ACSBG1: variants seen among roughly 807,000 people sequenced by gnomAD.
The protein encoded by ACSBG1 is long-chain-fatty-acid--CoA ligase ACSBG1.
A neutral mutation model predicts 80.2 loss-of-function variants in ACSBG1; 39 were observed. That is an observed-to-expected ratio of 0.49 (90% CI 0.38 to 0.64). ACSBG1 has a LOEUF of 0.64. Among genes scored for constraint, ACSBG1 ranks in the 30% least tolerant of loss-of-function variants. The pLI is 0.00. For synonymous variants in ACSBG1, 392 were observed against 379.5 expected (o/e 1.03, Z -0.38); for missense variants, 828 against 966.4 (o/e 0.86, Z 1.90).
chr15:78,201,260 G>C (rs1313115909), intron 2 of ACSBG1, among the ~76,000 whole-genome samples: 3 of 152,190 alleles, frequency 2.0e-5, no homozygotes, highest in African/African-American at 7.2e-5. Flanking sequence ...GGAAGAATGA[G>C]CTGAACTCTG....
chr15:78,192,198 T>C (rs1445569735), intron 5 of ACSBG1, among the ~76,000 whole-genome samples: 1 of 151,924 alleles, frequency 6.6e-6, no homozygotes, highest in Non-Finnish European at 1.5e-5. Context: ...CCAGCAGCCT[T>C]GGCAAATGAA....
intron 1 of ACSBG1, among the ~76,000 whole-genome samples, chr15:78,211,918 G>A (rs111689360): frequency 4.0e-4 from 61 of 152,272 alleles, no homozygotes; most frequent in African/African-American, 1.4e-3. Context: ...AGCTGGGGCC[G>A]CTTCTGATTC....
intron 1 of ACSBG1, among the ~76,000 whole-genome samples, chr15:78,219,064 G>A (rs2075337816): frequency 6.6e-6 from 1 of 152,080 alleles, no homozygotes; most frequent in South Asian, 2.1e-4. Flanking sequence ...TGCCCACCTC[G>A]GCCTCCCAAA....
At chr15:78,229,776 C>G (rs543289401) in intron 1 of ACSBG1, among the ~76,000 whole-genome samples, 69 of 152,146 alleles carry the variant, frequency 4.5e-4, no homozygotes, top group Non-Finnish European at 8.8e-4. Flanking sequence ...TCACAAACCC[C>G]AAACCAGGCT....
At chr15:78,193,667 G>A (rs1476230826) in intron 4 of ACSBG1, 41 bp from the exon 5 acceptor site, 3 of 1,591,220 alleles carry the variant, frequency 1.9e-6, no homozygotes, top group South Asian at 2.3e-5. Context: ...GGGAGGTGCA[G>A]AGGGGCCACC....
chr15:78,169,209 G>T lies in ACSBG1; in HGVS notation c.*2235C>A. On this transcript the variant is annotated 3_prime_UTR_variant, in exon 14 of 14. Coordinates refer to ENST00000258873, the MANE Select transcript of ACSBG1 (RefSeq NM_015162.5). Reference sequence around the variant, plus strand: ...TTCAAAGAACTTTTTCCAAGTGCTTGTTTTATTTATTAAGTGTCTACCTGG... The same window carrying T: ...TTCAAAGAACTTTTTCCAAGTGCTTTTTTTATTTATTAAGTGTCTACCTGG... 2 of 381,176 alleles carry T rather than the reference G, an allele frequency of 5.2e-6. No homozygotes were observed. Among genetic ancestry groups the T allele is most frequent in the South Asian group, 1.7e-4 (2 of 11,640 alleles). The allele number at this position is 381,176 out of a possible 1,614,324, so 23.6% of individuals were successfully genotyped here.
chr15:78,195,150 C>T (rs1057304935), intron 2 of ACSBG1, among the ~76,000 whole-genome samples: 6 of 152,132 alleles, frequency 3.9e-5, no homozygotes, highest in Admixed American at 2.0e-4. Context: ...GGTCAAAGCA[C>T]CAAAGAGAAC....
intron 1 of ACSBG1, among the ~76,000 whole-genome samples, chr15:78,224,042 C>A (rs2075380594): frequency 6.6e-6 from 1 of 152,114 alleles, no homozygotes; most frequent in East Asian, 1.9e-4. Context: ...CCCACCGAAA[C>A]CAATTTTGAA....
intron 1 of ACSBG1, among the ~76,000 whole-genome samples, chr15:78,220,405 C>A (rs142042603): frequency 2.1e-3 from 312 of 152,170 alleles, no homozygotes; most frequent in African/African-American, 7.4e-3. Flanking sequence ...TCTTTGTGAC[C>A]TTGTGTTAGG....
intron 1 of ACSBG1, among the ~76,000 whole-genome samples, chr15:78,232,299 T>C (rs1186286229): frequency 6.6e-6 from 1 of 152,176 alleles, no homozygotes; most frequent in East Asian, 1.9e-4. Context: ...AAGAAAGTAG[T>C]AGAACTGACA....
At chr15:78,213,229 A>G (rs1021329675) in intron 1 of ACSBG1, among the ~76,000 whole-genome samples, 1 of 152,178 alleles carries the variant, frequency 6.6e-6, no homozygotes, top group Non-Finnish European at 1.5e-5. Context: ...TATAGTCTGC[A>G]ATGGCGATTC....
chr15:78,234,366 C>T lies in ACSBG1; in HGVS notation c.131+5G>A, dbSNP rs781166610. On this transcript the variant is annotated splice_donor_5th_base_variant and intron_variant, in intron 1 of 13. Transcript: ENST00000258873. ...CAGTGTGCAGAAACCCAACCAATGA[C>T]TTACCTGGTTTTCAATTTTTCTTGG... 8.7e-6 allele frequency: 14 copies of T among 1,609,480 alleles called. No homozygotes were observed. Among genetic ancestry groups the T allele is most frequent in the Non-Finnish European group, 1.2e-5 (14 of 1,179,966 alleles).
At chr15:78,219,060 C>T (rs1033102625) in intron 1 of ACSBG1, among the ~76,000 whole-genome samples, 1 of 152,120 alleles carries the variant, frequency 6.6e-6, no homozygotes, top group Admixed American at 6.5e-5. Context: ...GATCTGCCCA[C>T]CTCGGCCTCC....
chr15:78,196,883 T>G (rs2075119253), intron 2 of ACSBG1, among the ~76,000 whole-genome samples: 1 of 150,668 alleles, frequency 6.6e-6, no homozygotes, highest in Admixed American at 6.6e-5. Context: ...CTGGGCAACA[T>G]AGTGAGACCC....
intron 2 of ACSBG1, among the ~76,000 whole-genome samples, chr15:78,198,182 A>G (rs1394842155): frequency 6.6e-6 from 1 of 150,850 alleles, no homozygotes; most frequent in African/African-American, 2.4e-5. Flanking sequence ...GACTACAGGC[A>G]TGCACCACCA....
At chr15:78,181,463 C>A (rs1191599044) in intron 8 of ACSBG1, among the ~76,000 whole-genome samples, 1 of 149,598 alleles carries the variant, frequency 6.7e-6, no homozygotes, top group South Asian at 2.2e-4. Context: ...CACTCTGACT[C>A]GACCTTATGT....
At chr15:78,201,544 C>T (rs995119999) in intron 2 of ACSBG1, among the ~76,000 whole-genome samples, 1 of 152,222 alleles carries the variant, frequency 6.6e-6, no homozygotes, top group African/African-American at 2.4e-5. Context: ...GCTCAGTGGC[C>T]TCAGCCTTGG....
intron 1 of ACSBG1, among the ~76,000 whole-genome samples, chr15:78,230,790 A>T (rs2075439904): frequency 6.6e-6 from 1 of 152,228 alleles, no homozygotes; most frequent in African/African-American, 2.4e-5. Context: ...AGGCCACCTC[A>T]GCCACATGGA....
rs1364789162 is a variant in ACSBG1, at chr15:78,169,698, G to A, written c.*1746C>T. The A allele has an allele frequency of 6.6e-6, 1 of 152,102 alleles. No homozygotes were observed. The highest frequency in any genetic ancestry group is 2.1e-4 in the South Asian group (1 of 4,818). 9.4% of individuals were successfully genotyped at this position (152,102 alleles called of 1,614,324 possible). ...AATGTATTGTGTGTTCAATTATTTT[G>A]TTGTCTTGAGATTTAATATTCTTTC... is the stretch of plus-strand genomic sequence containing the variant. On this transcript the variant is annotated 3_prime_UTR_variant, in exon 14 of 14. Coordinates refer to ENST00000258873, the MANE Select transcript of ACSBG1 (RefSeq NM_015162.5).
Sources: gnomAD v4.1 joint callset for allele counts (sites outside exome capture counted in the v4.1 genomes callset) on GRCh38, gnomAD v4.1.1 for gene constraint, MANE v1.5 for transcripts, NCBI Gene and HGNC (gene_info 2026-07-23, HGNC 2026-07-21) for gene names.